MAST4: variants seen among roughly 807,000 people sequenced by gnomAD.
MAST4 encodes the protein microtubule-associated serine/threonine-protein kinase 4.
MAST4 carries 89 observed loss-of-function variants against 162.7 expected under a neutral mutation model. The observed-to-expected ratio is 0.55, with a 90% CI of 0.46 to 0.65. The LOEUF (loss-of-function observed/expected upper bound fraction) is 0.65. Among genes scored for constraint, MAST4 ranks in the 30% least tolerant of loss-of-function variants. The probability of loss-of-function intolerance (pLI) is 0.00; values close to 1 mark genes in which losing one functional copy is unlikely to be tolerated. For synonymous variants in MAST4, 1,479 were observed against 1,361.1 expected, an observed-to-expected ratio of 1.09 and a Z score of -1.91; for missense variants, 3,153 against 3,374.0, an observed-to-expected ratio of 0.93 and a Z score of 1.62.
At chr5:66,749,486 C>G (rs1313306239) in intron 1 of MAST4, among the ~76,000 whole-genome samples, 1 of 152,186 alleles carries the variant, frequency 6.6e-6, no homozygotes, top group Non-Finnish European at 1.5e-5. Flanking sequence ...GCCATAAAAA[C>G]AAAACACAAA....
chr5:66,597,247 G>C (rs558922939), intron 1 of MAST4, among the ~76,000 whole-genome samples: 2 of 152,298 alleles, frequency 1.3e-5, no homozygotes, highest in South Asian at 4.1e-4. Flanking sequence ...GCTGCCTGAT[G>C]GTGTGTTTTT....
In MAST4 at chr5:66,988,824, G is replaced by A. The variant is rs574952356; in HGVS notation, c.675-65580G>A. On this transcript the variant is annotated intron_variant, in intron 4 of 28. Coordinates refer to ENST00000403625, the MANE Select transcript of MAST4 (RefSeq NM_001164664.2). ...GGTTGAAAACTACAACAGGAAAACT[G>A]TAGAATCAAAATTTATACCATAATT... is the stretch of plus-strand genomic sequence containing the variant. Among the ~76,000 whole-genome samples the A allele has an allele frequency of 2.0e-5, 3 of 152,288 alleles. No individual in the cohort carries two copies. The East Asian group carries it at 5.8e-4, about 29-fold the overall frequency.
At chr5:66,999,034 A>C (rs1750979287) in intron 4 of MAST4, among the ~76,000 whole-genome samples, 1 of 152,142 alleles carries the variant, frequency 6.6e-6, no homozygotes, top group Non-Finnish European at 1.5e-5. Context: ...TCATAATTGG[A>C]TTACTGGCTT....
intron 1 of MAST4, among the ~76,000 whole-genome samples, chr5:66,604,710 G>A (rs564979726): frequency 6.6e-6 from 1 of 152,114 alleles, no homozygotes; most frequent in Non-Finnish European, 1.5e-5. Context: ...TTTCTGGCTG[G>A]TGATTTTGTG....
chr5:66,638,013 T>G (rs1329183938), intron 1 of MAST4, among the ~76,000 whole-genome samples: 1 of 152,196 alleles, frequency 6.6e-6, no homozygotes, highest in Non-Finnish European at 1.5e-5. Context: ...TTTTGATATA[T>G]CTTCTTTAGT....
chr5:66,650,483 T>G (rs529989210), intron 1 of MAST4, among the ~76,000 whole-genome samples: 34 of 152,288 alleles, frequency 2.2e-4, no homozygotes, highest in African/African-American at 7.7e-4. Flanking sequence ...TTGTATAATA[T>G]TTTTCATCAT....
At chr5:66,934,212 T>G (rs1022194960) in intron 4 of MAST4, among the ~76,000 whole-genome samples, 1 of 150,136 alleles carries the variant, frequency 6.7e-6, no homozygotes, top group Non-Finnish European at 1.5e-5. Flanking sequence ...GGCAGAGGCT[T>G]CCTTTATTTT....
At chr5:66,959,224 A>C (rs533336715) in intron 4 of MAST4, 2 of 779,652 alleles carry the variant, frequency 2.6e-6, no homozygotes, top group African/African-American at 3.4e-5. Flanking sequence ...TGGTTACAAT[A>C]GAGTGTGCTA....
At chr5:67,005,122 C>A (rs1232306410) in intron 4 of MAST4, 1 of 728,548 alleles carries the variant, frequency 1.4e-6, no homozygotes, top group South Asian at 1.5e-5. Context: ...AGAGGGAATG[C>A]TTTCACTTCC....
intron 3 of MAST4, among the ~76,000 whole-genome samples, chr5:66,860,268 A>G (rs941851289): frequency 5.9e-5 from 9 of 152,254 alleles, no homozygotes; most frequent in Admixed American, 4.6e-4. Context: ...AATACACAAC[A>G]GAGTGTAACA....
At chr5:66,692,681 C>T (rs117735826) in intron 1 of MAST4, among the ~76,000 whole-genome samples, 63 of 152,292 alleles carry the variant, frequency 4.1e-4, no homozygotes, top group African/African-American at 7.7e-4. Flanking sequence ...TATCATTCAT[C>T]GCCTTTTGAT....
intron 4 of MAST4, chr5:67,004,715 G>C (rs2150329586): frequency 2.7e-6 from 1 of 377,262 alleles, no homozygotes; most frequent in Non-Finnish European, 5.0e-6. Context: ...ATAGCTGGCC[G>C]AGCCTGACTA....
At chr5:67,050,714 C>T (rs1282913766) in intron 4 of MAST4, among the ~76,000 whole-genome samples, 1 of 152,214 alleles carries the variant, frequency 6.6e-6, no homozygotes, top group Non-Finnish European at 1.5e-5. Flanking sequence ...AGCCTAAATT[C>T]TGAATTTGCA....
intron 3 of MAST4, among the ~76,000 whole-genome samples, chr5:66,821,407 G>C (rs1756989150): frequency 6.6e-6 from 1 of 152,112 alleles, no homozygotes; most frequent in African/African-American, 2.4e-5. Context: ...CTGTGGTTTT[G>C]GTATTTGTTC....
rs1772093647 is a variant in MAST4 at position 67,153,471 on chromosome 5, G to A, written c.3539G>A (p.Gly1180Glu). 1.2e-6 allele frequency: 2 copies of A among 1,603,990 alleles called. No homozygotes were observed. The highest frequency in any genetic ancestry group is 1.1e-5 in the South Asian group (1 of 88,736). Residue 1180 changes from glycine to glutamate, a missense_variant, in exon 26 of 29, where the codon GGA becomes GAA. Transcript: ENST00000403625. ...CTTGGACTTTAGAATGTAGAAGAAG[G>A]AAGTCCGGCATGCCAGGCAGGACTG... is the stretch of plus-strand genomic sequence containing the variant. ...VHHIVWNVEE[G>E]SPACQAGLKA...
intron 1 of MAST4, among the ~76,000 whole-genome samples, chr5:66,690,521 ATT>A (rs1200060502): frequency 6.6e-6 from 1 of 152,148 alleles, no homozygotes; most frequent in East Asian, 1.9e-4. Flanking sequence ...TTTTTGGAAG[ATT>A]TTCAACTCCC....
At chr5:66,689,728 T>C (rs1264151103) in intron 1 of MAST4, among the ~76,000 whole-genome samples, 1 of 152,244 alleles carries the variant, frequency 6.6e-6, no homozygotes, top group African/African-American at 2.4e-5. Flanking sequence ...TATGTAACTT[T>C]AGCTCAGCAT....
intron 4 of MAST4, among the ~76,000 whole-genome samples, chr5:67,035,973 G>C (rs1400835481): frequency 6.6e-6 from 1 of 152,078 alleles, no homozygotes; most frequent in Non-Finnish European, 1.5e-5. Flanking sequence ...GGCTTGAGAA[G>C]CTTACCCATT....
At chr5:67,065,657 A>T (rs1224193597) in intron 5 of MAST4, among the ~76,000 whole-genome samples, 1 of 152,272 alleles carries the variant, frequency 6.6e-6, no homozygotes, top group Non-Finnish European at 1.5e-5. Context: ...GTATCTTAAA[A>T]TCAAGTATAT....
Sources: allele counts gnomAD v4.1 joint callset (sites outside exome capture counted in the v4.1 genomes callset), GRCh38; gene constraint gnomAD v4.1.1; transcripts MANE v1.5; gene names NCBI Gene and HGNC (gene_info 2026-07-23, HGNC 2026-07-21).